Variants in KCNB2 observed in about 807,000 individuals in gnomAD.
The protein encoded by KCNB2 is delayed rectifier potassium channel protein.
In KCNB2, 15 loss-of-function variants were observed where a neutral mutation model predicts 61.5. That is an observed-to-expected ratio of 0.24 (90% CI 0.16 to 0.38). The LOEUF is 0.38. Ranked by LOEUF, KCNB2 falls within the 10% of genes least tolerant of loss-of-function variation. The pLI, the probability that KCNB2 is intolerant of heterozygous loss-of-function variation, is 1.00. For missense variants in KCNB2, 828 were observed against 1,125.2 expected (o/e 0.74, Z 3.78); for synonymous variants, 457 against 446.0 (o/e 1.02, Z -0.31).
Position 72,537,513 on chromosome 8 carries a change from CCT to C in KCNB2, c.-461_-460del, listed in dbSNP as rs1806130289. ...TCGATTTTTCCTCTTCTGTTCCAGC[CCT>C]CTCTTGTCTGGGTGGCTGTGGCGGC... On this transcript the variant is annotated 5_prime_UTR_variant, in exon 1 of 3. Transcript: ENST00000523207. 6.6e-6 allele frequency: 1 copy of C among 152,560 alleles called. No homozygotes were observed. Among genetic ancestry groups the C allele is most frequent in the African/African-American group, 2.4e-5 (1 of 41,464 alleles). The allele number at this position is 152,560 out of a possible 1,614,324, so 9.5% of individuals were successfully genotyped here.
chr8:72,894,717 T>C (rs113729844), intron 2 of KCNB2, among the ~76,000 whole-genome samples: 10 of 151,292 alleles, frequency 6.6e-5, no homozygotes, highest in African/African-American at 2.5e-4. Flanking sequence ...CATTTCCCAA[T>C]AGCTTTACAT....
intron 2 of KCNB2, among the ~76,000 whole-genome samples, chr8:72,703,008 C>A (rs986831662): frequency 4.6e-5 from 7 of 152,204 alleles, no homozygotes; most frequent in African/African-American, 1.7e-4. Flanking sequence ...TTCCGCAGCC[C>A]ATTTCTATTA....
chr8:72,749,698 G>A (rs868239334), intron 2 of KCNB2, among the ~76,000 whole-genome samples: 26 of 144,200 alleles, frequency 1.8e-4, no homozygotes, highest in African/African-American at 4.3e-4. Flanking sequence ...AATATTTGGC[G>A]TATACAAAAA....
chr8:72,624,091 C>T (rs1805752819), intron 2 of KCNB2, among the ~76,000 whole-genome samples: 1 of 152,232 alleles, frequency 6.6e-6, no homozygotes, highest in Non-Finnish European at 1.5e-5. Flanking sequence ...CATTTCTCTA[C>T]TCACTCTGCT....
At chr8:72,668,543 C>A (rs187257190) in intron 2 of KCNB2, among the ~76,000 whole-genome samples, 3 of 152,104 alleles carry the variant, frequency 2.0e-5, no homozygotes, top group Non-Finnish European at 4.4e-5. Context: ...ACTCACCAGC[C>A]GGCAGTTCCT....
intron 2 of KCNB2, among the ~76,000 whole-genome samples, chr8:72,768,785 C>T (rs1327302753): frequency 6.6e-6 from 1 of 152,122 alleles, no homozygotes; most frequent in African/African-American, 2.4e-5. Context: ...AAGTGGACAT[C>T]CAGTTGTCCT....
chr8:72,578,287 A>C (rs1406338264), intron 2 of KCNB2, among the ~76,000 whole-genome samples: 3 of 152,188 alleles, frequency 2.0e-5, no homozygotes, highest in African/African-American at 7.2e-5. Flanking sequence ...GAAAAACGTT[A>C]GTAGGTAATC....
intron 2 of KCNB2, among the ~76,000 whole-genome samples, chr8:72,610,420 A>G (rs1195171153): frequency 6.6e-6 from 1 of 152,166 alleles, no homozygotes. Context: ...ATTTTTTCTT[A>G]TTTATGCTCA....
chr8:72,649,968 A>G (rs373908974), intron 2 of KCNB2, among the ~76,000 whole-genome samples: 105 of 152,286 alleles, frequency 6.9e-4, no homozygotes, highest in African/African-American at 2.4e-3. Context: ...TAATGCAGTG[A>G]ACTTGGAAGA....
intron 2 of KCNB2, among the ~76,000 whole-genome samples, chr8:72,825,104 A>G (rs1809574943): frequency 6.6e-6 from 1 of 152,150 alleles, no homozygotes; most frequent in African/African-American, 2.4e-5. Context: ...CTTTCTATGA[A>G]TTTGACTACT....
intron 2 of KCNB2, among the ~76,000 whole-genome samples, chr8:72,823,123 T>G (rs998834493): frequency 2.6e-5 from 4 of 152,162 alleles, no homozygotes; most frequent in African/African-American, 9.7e-5. Context: ...TTGCAAATCC[T>G]TCATCTCTGC....
intron 2 of KCNB2, among the ~76,000 whole-genome samples, chr8:72,892,257 C>T (rs1043925700): frequency 6.6e-6 from 1 of 151,820 alleles, no homozygotes; most frequent in Non-Finnish European, 1.5e-5. Context: ...ATCTCACTAC[C>T]CATGTAAGAA....
chr8:72,831,043 A>T (rs1303732678), intron 2 of KCNB2, among the ~76,000 whole-genome samples: 5 of 152,222 alleles, frequency 3.3e-5, no homozygotes, highest in African/African-American at 1.2e-4. Flanking sequence ...AATTAATTTT[A>T]AGTACATTAG....
intron 2 of KCNB2, among the ~76,000 whole-genome samples, chr8:72,870,564 C>G (rs2129004713): frequency 6.6e-6 from 1 of 152,164 alleles, no homozygotes; most frequent in Admixed American, 6.5e-5. Flanking sequence ...TAATGGGAAA[C>G]AGTATAGGGT....
chr8:72,834,289 C>T (rs991446376), intron 2 of KCNB2, among the ~76,000 whole-genome samples: 1 of 151,934 alleles, frequency 6.6e-6, no homozygotes. Context: ...AACATCTGAC[C>T]CTGCAGATTA....
At position 72,598,401 on chromosome 8, in the gene KCNB2, C is replaced by T. The variant is rs11990047; in HGVS notation, c.579+30088C>T. 9.2e-3 allele frequency among the ~76,000 whole-genome samples: 1,187 copies of T among 128,444 alleles called. 6 individuals are homozygous for T. The highest frequency in any genetic ancestry group is 0.013 in the African/African-American group (440 of 34,986). 84.3% of individuals were successfully genotyped at this position (128,444 alleles called of 152,430 possible). A position where few individuals can be genotyped will look rare whatever the true frequency, so the allele number is the denominator to read the frequency against. ...AAAGGCCTTTGAAAAAATTCAACAA[C>T]GCTTCATGCTAAAAACTCTCAATAA... is the stretch of plus-strand genomic sequence containing the variant. On this transcript the variant is annotated intron_variant, in intron 2 of 2. Coordinates refer to ENST00000523207, the MANE Select transcript of KCNB2 (RefSeq NM_004770.3).
At chr8:72,538,667 C>A (rs1454123288) in intron 1 of KCNB2, among the ~76,000 whole-genome samples, 1 of 151,776 alleles carries the variant, frequency 6.6e-6, no homozygotes, top group South Asian at 2.1e-4. Flanking sequence ...TGCACATACA[C>A]TGGGTTAATT....
At chr8:72,687,615 T>C (rs928598788) in intron 2 of KCNB2, among the ~76,000 whole-genome samples, 3 of 152,218 alleles carry the variant, frequency 2.0e-5, no homozygotes, top group African/African-American at 7.2e-5. Flanking sequence ...CCGTTAACCC[T>C]AAGGCCACAA....
chr8:72,757,560 TC>T (rs1808310777), intron 2 of KCNB2, among the ~76,000 whole-genome samples: 1 of 152,092 alleles, frequency 6.6e-6, no homozygotes, highest in African/African-American at 2.4e-5. Flanking sequence ...ACCTCAAGGA[TC>T]CTTAGTGGGA....
Sources: allele counts gnomAD v4.1 joint callset (sites outside exome capture counted in the v4.1 genomes callset), GRCh38; gene constraint gnomAD v4.1.1; transcripts MANE v1.5; gene names NCBI Gene and HGNC (gene_info 2026-07-23, HGNC 2026-07-21).